The following VDAC1 variants were observed in gnomAD, a reference collection of about 807,000 sequenced individuals.
VDAC1 encodes the protein voltage dependent anion channel 1, also known as non-selective voltage-gated ion channel VDAC1.
VDAC1 carries 10 observed loss-of-function variants against 34.7 expected under a neutral mutation model. The ratio of observed to expected loss-of-function variants is 0.29; its 90% CI spans 0.18 to 0.49. VDAC1 has a LOEUF of 0.49. Among genes scored for constraint, VDAC1 ranks in the 20% least tolerant of loss-of-function variants. The pLI is 0.99. For missense variants in VDAC1, 230 were observed against 347.9 expected, an observed-to-expected ratio of 0.66 and a Z score of 2.69; for synonymous variants, 130 against 136.0, an observed-to-expected ratio of 0.96 and a Z score of 0.30.
At chr5:133,992,191 A>G in intron 3 of VDAC1, 115 bp downstream of exon 3, 1 of 674,946 alleles carries the variant, frequency 1.5e-6, no homozygotes, top group Non-Finnish European at 2.1e-6. Context: ...AGCTGAGATC[A>G]CGCCATTGTA....
At chr5:134,093,783 G>A in the VDAC1 span, among the ~76,000 whole-genome samples, 2 of 152,212 alleles carry the variant, frequency 1.3e-5, no homozygotes, top group African/African-American at 4.8e-5. Flanking sequence ...GGGGAGTGGA[G>A]GCGAGGGTAC....
At chr5:134,109,420 G>A in the VDAC1 span, among the ~76,000 whole-genome samples, 8 of 152,018 alleles carry the variant, frequency 5.3e-5, no homozygotes, top group Non-Finnish European at 1.2e-4. Flanking sequence ...TTGTGACGCC[G>A]CTTGTCTCTC....
chr5:134,045,860 T>G, the VDAC1 span, among the ~76,000 whole-genome samples: 1 of 151,664 alleles, frequency 6.6e-6, no homozygotes, highest in African/African-American at 2.4e-5. Context: ...AATTTTCATA[T>G]TTTTAGTAGA....
At chr5:134,026,738 A>C in the VDAC1 span, among the ~76,000 whole-genome samples, 28 of 151,476 alleles carry the variant, frequency 1.8e-4, no homozygotes, top group East Asian at 5.4e-3. Context: ...CCATGGGTGC[A>C]CTCCCACCTA....
At chr5:133,995,040 T>C (rs1309946585) in intron 1 of VDAC1, among the ~76,000 whole-genome samples, 1 of 152,022 alleles carries the variant, frequency 6.6e-6, no homozygotes, top group Admixed American at 6.6e-5. Flanking sequence ...CATTAAATGT[T>C]CCCCAAATGC....
chr5:134,080,552 C>CGGAGGTACAGTACCA, the VDAC1 span, among the ~76,000 whole-genome samples: 4 of 150,420 alleles, frequency 2.7e-5, no homozygotes, highest in Admixed American at 1.3e-4. Flanking sequence ...GGTTAAGTCA[C>CGGAGGTACAGTACCA]CGAGGTACCA....
the VDAC1 span, among the ~76,000 whole-genome samples, chr5:134,050,850 G>T: frequency 6.6e-6 from 1 of 152,202 alleles, no homozygotes; most frequent in Non-Finnish European, 1.5e-5. Context: ...TGGAAGCAGG[G>T]GCTCAGGTGG....
At chr5:134,024,528 CA>C in the VDAC1 span, among the ~76,000 whole-genome samples, 41 of 66,264 alleles carry the variant, frequency 6.2e-4, no homozygotes, top group East Asian at 4.6e-3. Flanking sequence ...GACCCTGTCT[CA>C]AAAAAAAAAA....
At chr5:134,107,712 T>G in the VDAC1 span, among the ~76,000 whole-genome samples, 1 of 152,252 alleles carries the variant, frequency 6.6e-6, no homozygotes, top group African/African-American at 2.4e-5. Context: ...TCAGCCCTGC[T>G]GCCTGGGAAC....
chr5:133,973,975 G>T, intron 7 of VDAC1, 127 bp from the exon 8 acceptor site: 2 of 731,824 alleles, frequency 2.7e-6, no homozygotes, highest in South Asian at 1.9e-5. Flanking sequence ...TGACCACCTT[G>T]TTCATGAGAT....
chr5:134,112,152 T>C, the VDAC1 span, among the ~76,000 whole-genome samples: 1 of 152,074 alleles, frequency 6.6e-6, no homozygotes, highest in Admixed American at 6.6e-5. Flanking sequence ...TTCCAAACCC[T>C]CCTAAGCCAT....
the VDAC1 span, among the ~76,000 whole-genome samples, chr5:134,094,630 GA>G: frequency 6.6e-6 from 1 of 150,794 alleles, no homozygotes; most frequent in Non-Finnish European, 1.5e-5. Flanking sequence ...CCGGGAGGCG[GA>G]GCTTGCAGTA....
chr5:134,004,715 A>G, intron 1 of VDAC1, 180 bp downstream of exon 1: 1 of 151,344 alleles, frequency 6.6e-6, no homozygotes, highest in Non-Finnish European at 1.5e-5. Flanking sequence ...CAGGGAGCCG[A>G]GCCAGGGAGC....
upstream of VDAC1, among the ~76,000 whole-genome samples, chr5:134,008,291 G>A (rs770261795): frequency 2.9e-4 from 44 of 152,046 alleles, no homozygotes; most frequent in Non-Finnish European, 5.6e-4. Context: ...TAGCCATGCC[G>A]GAGACTACAC....
At chr5:134,043,319 G>A in the VDAC1 span, among the ~76,000 whole-genome samples, 1 of 152,154 alleles carries the variant, frequency 6.6e-6, no homozygotes, top group African/African-American at 2.4e-5. Flanking sequence ...AAAAGGAGCT[G>A]CTGAGGTTCA....
the VDAC1 span, among the ~76,000 whole-genome samples, chr5:134,067,043 C>G: frequency 1.7e-4 from 26 of 151,074 alleles, no homozygotes; most frequent in African/African-American, 6.1e-4. Context: ...TTCTTTTTCC[C>G]CCTCTTTTCC....
At chr5:133,976,546 G>A (rs1752488475) in intron 6 of VDAC1, among the ~76,000 whole-genome samples, 1 of 151,836 alleles carries the variant, frequency 6.6e-6, no homozygotes, top group African/African-American at 2.4e-5. Flanking sequence ...GGTACGTGGT[G>A]ACTCACGCCT....
the VDAC1 span, among the ~76,000 whole-genome samples, chr5:134,099,746 ATTTTGT>A: frequency 2.6e-5 from 4 of 152,066 alleles, no homozygotes; most frequent in African/African-American, 9.7e-5. Flanking sequence ...TCCCCAGCTA[ATTTTGT>A]TTTTATTTTT....
At chr5:134,075,286 T>TATCACACTGCC in the VDAC1 span, among the ~76,000 whole-genome samples, 1 of 151,432 alleles carries the variant, frequency 6.6e-6, no homozygotes. Context: ...ATCTGCATGC[T>TATCACACTGCC]ATTCACACTG....
Sources: gnomAD v4.1 joint callset for allele counts (sites outside exome capture counted in the v4.1 genomes callset) on GRCh38, gnomAD v4.1.1 for gene constraint, MANE v1.5 for transcripts, NCBI Gene and HGNC (gene_info 2026-07-23, HGNC 2026-07-21) for gene names.